EPHB2: variants seen among roughly 807,000 people sequenced by gnomAD.
EPHB2 encodes the protein EPH receptor B2.
Under a neutral mutation model 96.4 loss-of-function variants are expected in EPHB2, and 18 were observed. The ratio of observed to expected loss-of-function variants is 0.19; its 90% CI spans 0.13 to 0.28. The LOEUF is 0.28. Among genes scored for constraint, EPHB2 ranks in the 10% least tolerant of loss-of-function variants. The pLI is 1.00. For synonymous variants in EPHB2, 506 were observed against 534.1 expected (o/e 0.95, Z 0.72); for missense variants, 989 against 1,355.4 (o/e 0.73, Z 4.25).
chr1:22,734,802 A>G (rs1643791300), intron 1 of EPHB2, among the ~76,000 whole-genome samples: 1 of 152,164 alleles, frequency 6.6e-6, no homozygotes, highest in Non-Finnish European at 1.5e-5. Flanking sequence ...CAGGCTATGA[A>G]CTGCCCCCTC....
intron 1 of EPHB2, among the ~76,000 whole-genome samples, chr1:22,761,517 C>A (rs1485580354): frequency 6.6e-6 from 1 of 152,168 alleles, no homozygotes; most frequent in Non-Finnish European, 1.5e-5. Flanking sequence ...CACACAGACC[C>A]GGGTCAGCCA....
intron 3 of EPHB2, among the ~76,000 whole-genome samples, chr1:22,842,335 C>T (rs532150431): frequency 6.6e-6 from 1 of 152,278 alleles, no homozygotes; most frequent in Non-Finnish European, 1.5e-5. Context: ...GATAACACAG[C>T]ATCTCACTCG....
At chr1:22,891,866 C>G (rs1639401381) in intron 6 of EPHB2, among the ~76,000 whole-genome samples, 1 of 151,282 alleles carries the variant, frequency 6.6e-6, no homozygotes, top group South Asian at 2.1e-4. Flanking sequence ...ATAATCATGG[C>G]TTACTGTGGC....
At position 22,715,763 on chromosome 1, in the gene EPHB2, G is replaced by A. The variant is rs151140143; in HGVS notation, c.61+4720G>A. On this transcript the variant is annotated intron_variant, in intron 1 of 15. Transcript: ENST00000374630. ...GATTCTGCCTGTGGTGGGGAACGGGGCCAGCTGACTTCACAGGCAGTGTGT... is the reference window on the plus strand; with the variant it reads ...GATTCTGCCTGTGGTGGGGAACGGGACCAGCTGACTTCACAGGCAGTGTGT... Among the ~76,000 whole-genome samples, 529 of 152,318 alleles carry A rather than the reference G, an allele frequency of 3.5e-3. 1 individual carries two copies. Among genetic ancestry groups the A allele is most frequent in the South Asian group, 6.4e-3 (31 of 4,828 alleles).
intron 5 of EPHB2, among the ~76,000 whole-genome samples, chr1:22,879,962 G>A (rs1258437849): frequency 2.0e-5 from 3 of 152,182 alleles, no homozygotes; most frequent in Non-Finnish European, 2.9e-5. Flanking sequence ...CACCTCATCT[G>A]GAGTGTCTCG....
chr1:22,899,603 A>G (rs1044661937), intron 9 of EPHB2, among the ~76,000 whole-genome samples: 1 of 152,238 alleles, frequency 6.6e-6, no homozygotes, highest in African/African-American at 2.4e-5. Context: ...ACAGAAATAG[A>G]AAAGGACCTT....
intron 1 of EPHB2, among the ~76,000 whole-genome samples, chr1:22,775,456 A>G (rs1644436601): frequency 6.6e-6 from 1 of 152,248 alleles, no homozygotes; most frequent in South Asian, 2.1e-4. Context: ...GTCCTAGAGA[A>G]TTACAGCCCA....
chr1:22,906,833 C>T lies in EPHB2; in HGVS notation c.2012C>T (p.Ala671Val). ...CAGCGCCGGGACTTCCTGAGCGAAG[C>T]CTCCATCATGGGCCAGTTCGACCAT... The part of the protein sequence containing the change: ...EKQRRDFLSE[A>V]SIMGQFDHPN... Residue 671 changes from alanine (A) to valine (V), a missense_variant, in exon 11 of 16, where the codon GCC (alanine) becomes GTC (valine). Physicochemically the swap from Ala to Val is moderately conservative, Grantham distance 64 (BLOSUM62 0). Transcript: ENST00000374630. The surrounding 1 kb of genome is among the most constrained non-coding windows in gnomAD (Gnocchi z 4.8). The T allele has an allele frequency of 6.2e-7, 1 of 1,614,218 alleles. No homozygotes were observed. The highest frequency in any genetic ancestry group is 8.5e-7 in the Non-Finnish European group (1 of 1,180,050).
At chr1:22,760,451 T>G (rs561761956) in intron 1 of EPHB2, among the ~76,000 whole-genome samples, 2 of 152,320 alleles carry the variant, frequency 1.3e-5, no homozygotes, top group African/African-American at 4.8e-5. Context: ...ACATCTATTT[T>G]GGTTTTGCTT....
At position 22,915,960 on chromosome 1, in the gene EPHB2, C is replaced by T. The variant is rs1028935461; in HGVS notation, c.*2390C>T. The T allele has an allele frequency of 4.6e-5, 7 of 152,508 alleles. No homozygotes were observed. The highest frequency in any genetic ancestry group is 1.4e-4 in the African/African-American group (6 of 41,568). 9.4% of individuals were successfully genotyped at this position (152,508 alleles called of 1,614,324 possible). A position where few individuals can be genotyped will look rare whatever the true frequency, so the allele number is the denominator to read the frequency against. On this transcript the variant is annotated 3_prime_UTR_variant, in exon 16 of 16. Transcript: ENST00000374630. Reference sequence around the variant, plus strand: ...GAACATCCAGCACAGCACAGCCCATCGTCTGTCACTCACCTGTTCCGGGAG... The same window carrying T: ...GAACATCCAGCACAGCACAGCCCATTGTCTGTCACTCACCTGTTCCGGGAG...
chr1:22,905,085 C>T (rs1249102528), intron 9 of EPHB2, among the ~76,000 whole-genome samples: 5 of 152,100 alleles, frequency 3.3e-5, no homozygotes, highest in Non-Finnish European at 7.3e-5. Flanking sequence ...ATCTGGGAGG[C>T]GGAAGATGGA....
chr1:22,767,655 TCA>T (rs1206591145), intron 1 of EPHB2, among the ~76,000 whole-genome samples: 1 of 152,128 alleles, frequency 6.6e-6, no homozygotes. Flanking sequence ...TAGCATTCCC[TCA>T]CCTCCTGGTC....
chr1:22,712,968 G>A (rs145420058), intron 1 of EPHB2, among the ~76,000 whole-genome samples: 201 of 152,280 alleles, frequency 1.3e-3, no homozygotes, highest in Admixed American at 2.7e-3. Context: ...TTACTCTGGG[G>A]TAGATGGAAG....
At chr1:22,865,779 C>T (rs909019879) in intron 5 of EPHB2, among the ~76,000 whole-genome samples, 6 of 152,266 alleles carry the variant, frequency 3.9e-5, no homozygotes, top group African/African-American at 1.4e-4. Flanking sequence ...CCAGGAGAGC[C>T]CAGAGATGTC....
chr1:22,816,671 G>A (rs1403662257), intron 3 of EPHB2, among the ~76,000 whole-genome samples: 2 of 152,202 alleles, frequency 1.3e-5, no homozygotes, highest in South Asian at 2.1e-4. Flanking sequence ...CCAGGTCTGC[G>A]TTGCCTCCTT....
At chr1:22,911,273 C>G (rs1640096214) in intron 14 of EPHB2, among the ~76,000 whole-genome samples, 1 of 152,196 alleles carries the variant, frequency 6.6e-6, no homozygotes, top group African/African-American at 2.4e-5. Context: ...CCTGGACCCT[C>G]TAACTTCCAT....
chr1:22,741,047 T>C (rs1643895654), intron 1 of EPHB2, among the ~76,000 whole-genome samples: 1 of 152,170 alleles, frequency 6.6e-6, no homozygotes, highest in African/African-American at 2.4e-5. Flanking sequence ...CTGCCCCTTC[T>C]CCCTGTCCCC....
At chr1:22,904,025 T>C (rs1343396929) in intron 9 of EPHB2, among the ~76,000 whole-genome samples, 1 of 152,186 alleles carries the variant, frequency 6.6e-6, no homozygotes, top group Non-Finnish European at 1.5e-5. Flanking sequence ...CGGTGGCTCA[T>C]GCCTGTAATC....
At chr1:22,775,902 C>T (rs1164392843) in intron 1 of EPHB2, among the ~76,000 whole-genome samples, 2 of 152,176 alleles carry the variant, frequency 1.3e-5, no homozygotes, top group Non-Finnish European at 2.9e-5. Flanking sequence ...TTTAAATGGG[C>T]ACTAAGAGCA....
Sources: gnomAD v4.1 joint callset for allele counts (sites outside exome capture counted in the v4.1 genomes callset) on GRCh38, gnomAD v4.1.1 for gene constraint, Gnocchi (gnomAD v3.1) non-coding constraint, MANE v1.5 for transcripts, NCBI Gene and HGNC (gene_info 2026-07-23, HGNC 2026-07-21) for gene names.